Variants in BLTP1 observed in about 807,000 individuals in gnomAD.
The protein encoded by BLTP1 is bridge-like lipid transfer protein family member 1, also known as fragile site-associated protein.
the BLTP1 span, among the ~76,000 whole-genome samples, chr4:122,171,093 A>G: frequency 6.6e-6 from 1 of 152,148 alleles, no homozygotes; most frequent in Non-Finnish European, 1.5e-5. Flanking sequence ...CTCAAATATA[A>G]TTTTACTGTA....
chr4:122,158,383 A>G, the BLTP1 span, among the ~76,000 whole-genome samples: 3 of 152,220 alleles, frequency 2.0e-5, no homozygotes, highest in African/African-American at 7.2e-5. Flanking sequence ...TTAAAAGTAG[A>G]TAACATTTAA....
At chr4:122,338,149 A>C in the BLTP1 span, among the ~76,000 whole-genome samples, 1 of 151,882 alleles carries the variant, frequency 6.6e-6, no homozygotes, top group South Asian at 2.1e-4. Context: ...TGAGGGTTTG[A>C]GGGTTATAAA....
At chr4:122,262,291 G>C in the BLTP1 span, among the ~76,000 whole-genome samples, 1 of 151,880 alleles carries the variant, frequency 6.6e-6, no homozygotes, top group Non-Finnish European at 1.5e-5. Flanking sequence ...TCAGGCTACT[G>C]TTTTTCTTTG....
chr4:122,182,687 C>T, the BLTP1 span: 51 of 985,170 alleles, frequency 5.2e-5, no homozygotes, highest in South Asian at 1.9e-4. Context: ...TGGGACCATA[C>T]GAAATGTTCT....
At chr4:122,328,418 A>ATT in the BLTP1 span, 14 of 1,438,706 alleles carry the variant, frequency 9.7e-6, no homozygotes, top group Middle Eastern at 2.0e-4. Flanking sequence ...TGAGCACAAA[A>ATT]TGTTATATAT....
the BLTP1 span, chr4:122,235,620 G>T: frequency 4.4e-6 from 1 of 229,082 alleles, no homozygotes; most frequent in East Asian, 1.8e-4. Context: ...CCTGGCTAAC[G>T]TGGTGAAACC....
At chr4:122,184,142 C>G in the BLTP1 span, among the ~76,000 whole-genome samples, 2 of 152,024 alleles carry the variant, frequency 1.3e-5, no homozygotes, top group African/African-American at 4.8e-5. Flanking sequence ...CTCTAAGGAA[C>G]AAACTAGATA....
At chr4:122,235,449 C>A in the BLTP1 span, 2 of 970,110 alleles carry the variant, frequency 2.1e-6, no homozygotes, top group Non-Finnish European at 2.5e-6. Flanking sequence ...ATTATATTTG[C>A]AGAATAGTTT....
the BLTP1 span, chr4:122,172,393 T>A: frequency 5.9e-5 from 37 of 630,250 alleles, no homozygotes; most frequent in African/African-American, 6.9e-4. Flanking sequence ...CTAGATTTTT[T>A]GAGAATATGA....
chr4:122,176,302 CA>C, the BLTP1 span, among the ~76,000 whole-genome samples: 9 of 137,322 alleles, frequency 6.6e-5, no homozygotes, highest in Non-Finnish European at 6.4e-5. Flanking sequence ...TACTCTGTCT[CA>C]AAAAAAAAAG....
At chr4:122,313,837 A>G in the BLTP1 span, 1 of 388,672 alleles carries the variant, frequency 2.6e-6, no homozygotes, top group Admixed American at 4.8e-5. Flanking sequence ...TTTAACAATT[A>G]TTAATCAGAC....
chr4:122,289,773 T>C, the BLTP1 span: 3 of 980,600 alleles, frequency 3.1e-6, no homozygotes, highest in Admixed American at 6.1e-5. Flanking sequence ...CATCCATAAA[T>C]TGGCATCAAA....
At chr4:122,164,245 G>A in the BLTP1 span, among the ~76,000 whole-genome samples, 2 of 152,170 alleles carry the variant, frequency 1.3e-5, no homozygotes, top group African/African-American at 4.8e-5. Flanking sequence ...TATAAGGAGA[G>A]GCCAAGAAAT....
chr4:122,323,390 GA>G, the BLTP1 span, among the ~76,000 whole-genome samples: 39 of 146,088 alleles, frequency 2.7e-4, no homozygotes, highest in South Asian at 7.8e-3. Context: ...CACTTAAAAG[GA>G]AAAAAAAAGT....
chr4:122,266,651 TGC>T, the BLTP1 span: 1 of 680,026 alleles, frequency 1.5e-6, no homozygotes, highest in Non-Finnish European at 2.2e-6. Context: ...AGACCATTTT[TGC>T]TTCACACTAT....
the BLTP1 span, among the ~76,000 whole-genome samples, chr4:122,163,666 G>T: frequency 1.3e-5 from 2 of 152,188 alleles, no homozygotes; most frequent in African/African-American, 4.8e-5. Context: ...ATAACTCTAT[G>T]AGATAGGTAC....
the BLTP1 span, among the ~76,000 whole-genome samples, chr4:122,198,597 A>G: frequency 6.6e-6 from 1 of 152,110 alleles, no homozygotes; most frequent in Admixed American, 6.5e-5. Context: ...TCTTGAGTAT[A>G]TCTATTATAA....
chr4:122,349,741 T>C, the BLTP1 span: 3 of 1,535,138 alleles, frequency 2.0e-6, no homozygotes, highest in East Asian at 2.3e-5. The surrounding 1 kb of genome is among the most constrained non-coding windows in gnomAD (Gnocchi z 4.5). Context: ...TACAAAACTC[T>C]TATTTATTAT....
the BLTP1 span, chr4:122,258,562 G>T: frequency 9.1e-7 from 1 of 1,095,668 alleles, no homozygotes; most frequent in Non-Finnish European, 1.2e-6. Flanking sequence ...TGAGAGGATT[G>T]GGGTGGGGGA....
Sources: allele counts gnomAD v4.1 joint callset (sites outside exome capture counted in the v4.1 genomes callset), GRCh38; gene constraint gnomAD v4.1.1; non-coding constraint Gnocchi (gnomAD v3.1); transcripts MANE v1.5; gene names NCBI Gene and HGNC (gene_info 2026-07-23, HGNC 2026-07-21).